The following HDLBP variants were observed in gnomAD, a reference collection of about 807,000 sequenced individuals.
HDLBP encodes the protein vigilin.
HDLBP carries 30 observed loss-of-function variants against 137.3 expected under a neutral mutation model. The ratio of observed to expected loss-of-function variants is 0.22; its 90% CI spans 0.16 to 0.30. HDLBP has a LOEUF of 0.30. Ranked by LOEUF, HDLBP falls within the 10% of genes least tolerant of loss-of-function variation. The probability of loss-of-function intolerance (pLI) is 1.00; values close to 1 mark genes in which losing one functional copy is unlikely to be tolerated. For missense variants in HDLBP, 1,119 were observed against 1,667.3 expected (o/e 0.67, Z 5.73); for synonymous variants, 606 against 596.0 (o/e 1.02, Z -0.24).
rs2074094046 is a variant in HDLBP at position 241,272,109 on chromosome 2, C to T, written c.-102-3568G>A. The T allele has an allele frequency of 1.3e-6, 1 of 781,256 alleles. No homozygotes were observed. The highest frequency in any genetic ancestry group is 6.2e-5 in the Admixed American group (1 of 16,048). 48.4% of individuals were successfully genotyped at this position (781,256 alleles called of 1,614,324 possible). ...GTATTTTTCATCCACGACCCTGGGGCACGTCCAAGTTGCACTCCAGGCCCA... is the reference window on the plus strand; with the variant it reads ...GTATTTTTCATCCACGACCCTGGGGTACGTCCAAGTTGCACTCCAGGCCCA... On this transcript the variant is annotated intron_variant, in intron 1 of 27. Coordinates refer to ENST00000310931, the MANE Select transcript of HDLBP (RefSeq NM_005336.6). This position sits in a 1 kb window ranked among gnomAD's most constrained non-coding sequence, Gnocchi z 5.6.
intron 16 of HDLBP, chr2:241,243,529 G>C (rs2071445328): frequency 6.5e-6 from 1 of 153,154 alleles, no homozygotes; most frequent in Non-Finnish European, 1.5e-5. Flanking sequence ...CTGCAGCTCA[G>C]TCGGGGCCTG....
Position 241,241,591 on chromosome 2 carries a change from A to T in HDLBP, c.2169+869T>A, listed in dbSNP as rs2071235620. On this transcript the variant is annotated intron_variant, in intron 17 of 27. Transcript: ENST00000310931. Reference sequence around the variant, plus strand: ...CAAAAAAAAAAAAAAAAAAAAAAAAAAAAAAAAAAAAATCCACAAAACAGT... The same window carrying T: ...CAAAAAAAAAAAAAAAAAAAAAAAATAAAAAAAAAAAATCCACAAAACAGT... Among the ~76,000 whole-genome samples, 8 of 148,292 alleles carry T rather than the reference A, an allele frequency of 5.4e-5. No homozygotes were observed. In the South Asian group the frequency reaches 1.7e-3, roughly 31 times the overall value.
intron 5 of HDLBP, among the ~76,000 whole-genome samples, chr2:241,260,369 AC>A (rs1003823781): frequency 2.0e-5 from 3 of 152,106 alleles, no homozygotes; most frequent in Non-Finnish European, 4.4e-5. Context: ...AAAGGAGGGG[AC>A]CCACTGGCCA....
chr2:241,240,218 C>T lies in HDLBP; in HGVS notation c.2170-96G>A. 1 of 1,191,258 alleles carries T rather than the reference C, an allele frequency of 8.4e-7. No homozygotes were observed. The highest frequency in any genetic ancestry group is 1.7e-5 in the Admixed American group (1 of 58,516). The allele number at this position is 1,191,258 out of a possible 1,614,324, so 73.8% of individuals were successfully genotyped here. ...TCTGTAGGACAGCAAGCTCGGGCTCCCCTTACATTGTCACCAGTGTCCTGA... is the reference window on the plus strand; with the variant it reads ...TCTGTAGGACAGCAAGCTCGGGCTCTCCTTACATTGTCACCAGTGTCCTGA... On this transcript the variant is annotated intron_variant, in intron 17 of 27. Coordinates refer to ENST00000310931, the MANE Select transcript of HDLBP (RefSeq NM_005336.6). The surrounding 1 kb of genome is among the most constrained non-coding windows in gnomAD (Gnocchi z 5.5).
intron 24 of HDLBP, among the ~76,000 whole-genome samples, chr2:241,232,600 T>G (rs1259845821): frequency 6.6e-6 from 1 of 152,058 alleles, no homozygotes; most frequent in African/African-American, 2.4e-5. Context: ...AGATTGATAA[T>G]TATATAGAAT....
intron 1 of HDLBP, among the ~76,000 whole-genome samples, chr2:241,292,108 G>A (rs941330499): frequency 3.9e-5 from 6 of 152,128 alleles, no homozygotes; most frequent in Admixed American, 1.3e-4. Flanking sequence ...TACTGACACC[G>A]CACCCGACAT....
chr2:241,230,642 C>T lies in HDLBP; in HGVS notation c.3474+117G>A. 1.1e-6 allele frequency: 1 copy of T among 877,700 alleles called. No individual in the cohort carries two copies. The highest frequency in any genetic ancestry group is 1.8e-6 in the Non-Finnish European group (1 of 559,582). The allele number at this position is 877,700 out of a possible 1,614,324, so 54.4% of individuals were successfully genotyped here. On this transcript the variant is annotated intron_variant, in intron 25 of 27. Transcript: ENST00000310931. The surrounding 1 kb of genome is among the most constrained non-coding windows in gnomAD (Gnocchi z 5.0). Reference sequence around the variant, plus strand: ...CCATGAGGACAGTTCCACTGCCAGCCCTGGGGTTGTGGCCTCATCATCTTG... The same window carrying T: ...CCATGAGGACAGTTCCACTGCCAGCTCTGGGGTTGTGGCCTCATCATCTTG...
intron 1 of HDLBP, among the ~76,000 whole-genome samples, chr2:241,287,212 G>A (rs1340629855): frequency 6.6e-6 from 1 of 152,068 alleles, no homozygotes; most frequent in Non-Finnish European, 1.5e-5. Context: ...CTGGGTTCAA[G>A]CGATTCTCTT....
intron 12 of HDLBP, among the ~76,000 whole-genome samples, chr2:241,249,091 GCT>G (rs895306162): frequency 1.3e-5 from 2 of 152,126 alleles, no homozygotes; most frequent in African/African-American, 4.8e-5. Flanking sequence ...TGGGGAATGA[GCT>G]CCGGGAAGGC....
At chr2:241,284,312 T>C (rs1378345193) in intron 1 of HDLBP, among the ~76,000 whole-genome samples, 3 of 152,078 alleles carry the variant, frequency 2.0e-5, no homozygotes, top group Non-Finnish European at 2.9e-5. Context: ...ATGCCATGAC[T>C]TTGAGGGGTT....
chr2:241,264,630 AG>A, intron 3 of HDLBP, 25 bp from the exon 4 acceptor site: 1 of 1,608,388 alleles, frequency 6.2e-7, no homozygotes, highest in Non-Finnish European at 8.5e-7. Flanking sequence ...ACAGATTAAA[AG>A]GAAGCACTAC....
chr2:241,288,436 A>G (rs1429051112), intron 1 of HDLBP, among the ~76,000 whole-genome samples: 2 of 152,134 alleles, frequency 1.3e-5, no homozygotes, highest in East Asian at 1.9e-4. Context: ...TCATCTCAAC[A>G]TGAAGAAAAG....
intron 1 of HDLBP, among the ~76,000 whole-genome samples, chr2:241,287,435 T>G (rs1575025323): frequency 6.6e-6 from 1 of 150,916 alleles, no homozygotes; most frequent in African/African-American, 2.4e-5. Context: ...TTTTTTTTTT[T>G]TCTGAGACAG....
Position 241,239,681 on chromosome 2 carries a change from C to T in HDLBP, c.2531G>A (p.Ser844Asn). 6.2e-7 allele frequency: 1 copy of T among 1,614,226 alleles called. No homozygotes were observed. The highest frequency in any genetic ancestry group is 1.3e-5 in the African/African-American group (1 of 75,068). ...MVSFPRSGTQ[S>N]DKVTLKGAKD... is the part of the protein sequence containing the mutation. ...GGCGCCCTTGAGGGTGACTTTGTCG[C>T]TCTGTGTGCCAGAGCGTGGGAAGCT... The change falls in exon 19 of 28, where the codon AGC becomes AAC. Residue 844 changes from serine to asparagine, a missense_variant. Coordinates refer to ENST00000310931, the MANE Select transcript of HDLBP (RefSeq NM_005336.6). This position sits in a 1 kb window ranked among gnomAD's most constrained non-coding sequence, Gnocchi z 4.6.
intron 16 of HDLBP, among the ~76,000 whole-genome samples, chr2:241,245,818 A>G (rs369657588): frequency 6.6e-6 from 1 of 152,176 alleles, no homozygotes; most frequent in South Asian, 2.1e-4. Flanking sequence ...TTTTAAATAT[A>G]AGGGGGAAAA....
Position 241,240,056 on chromosome 2 carries a change from C to G in HDLBP, c.2236G>C (p.Gly746Arg), listed in dbSNP as rs763451461. 6.2e-7 allele frequency: 1 copy of G among 1,614,218 alleles called. No individual in the cohort carries two copies. Among genetic ancestry groups the G allele is most frequent in the African/African-American group, 1.3e-5 (1 of 75,040 alleles). ...PEYHKFLIGKGGGKIRKVRDS... is the reference protein window; with the variant it reads ...PEYHKFLIGKRGGKIRKVRDS... ...CGCACCTTGCGAATTTTGCCGCCCC[C>G]CTTGCCGATGAGGAATTTGTGGTAT... is the stretch of plus-strand genomic sequence containing the variant. Residue 746 changes from glycine (G) to arginine (R), a missense_variant, in exon 18 of 28, where the codon GGG becomes CGG. Physicochemically the swap from Gly to Arg is moderately radical, Grantham distance 125. Around this residue, in one of 4 missense-constraint regions of HDLBP, gnomAD observed 618 missense variants for 816.7 expected, o/e 0.76. Coordinates refer to ENST00000310931, the MANE Select transcript of HDLBP (RefSeq NM_005336.6). The surrounding 1 kb of genome is among the most constrained non-coding windows in gnomAD (Gnocchi z 5.5).
rs527338146 is a variant in HDLBP at position 241,272,160 on chromosome 2, A to G, written c.-102-3619T>C. On this transcript the variant is annotated intron_variant, in intron 1 of 27. Transcript: ENST00000310931. The surrounding 1 kb of genome is among the most constrained non-coding windows in gnomAD (Gnocchi z 5.6). ...AGAAGAGCAGCTTTCCCCACCCCCG[A>G]ACACGTAGACTGACGCGGGCCCCGC... 2.6e-4 allele frequency: 252 copies of G among 984,900 alleles called. 1 individual carries two copies. The South Asian group carries it at 8.2e-3, about 32-fold the overall frequency. 61.0% of individuals were successfully genotyped at this position (984,900 alleles called of 1,614,324 possible).
At chr2:241,287,136 A>G (rs1441980850) in intron 1 of HDLBP, among the ~76,000 whole-genome samples, 2 of 152,152 alleles carry the variant, frequency 1.3e-5, no homozygotes, top group Non-Finnish European at 2.9e-5. Flanking sequence ...TTTGAGACAG[A>G]GTCTCACTCT....
intron 24 of HDLBP, among the ~76,000 whole-genome samples, chr2:241,231,834 G>A (rs1394339648): frequency 1.3e-5 from 2 of 152,014 alleles, no homozygotes; most frequent in Middle Eastern, 3.2e-3. Flanking sequence ...GCCCACAATC[G>A]GCGAAAACAA....
Sources: gnomAD v4.1 joint callset for allele counts (sites outside exome capture counted in the v4.1 genomes callset) on GRCh38, gnomAD v4.1.1 for gene constraint, gnomAD v4.1.1 regional missense constraint, Gnocchi (gnomAD v3.1) non-coding constraint, MANE v1.5 for transcripts, NCBI Gene and HGNC (gene_info 2026-07-23, HGNC 2026-07-21) for gene names.